Variants in ZNF385D observed in about 807,000 individuals in gnomAD.
The protein encoded by ZNF385D is zinc finger protein 659.
In ZNF385D, 15 loss-of-function variants were observed where a neutral mutation model predicts 35.8. That is an observed-to-expected ratio of 0.42 (90% CI 0.28 to 0.64). ZNF385D has a LOEUF of 0.64. ZNF385D is among the 30% of genes least tolerant of loss of function. ZNF385D has a pLI of 0.23. For synonymous variants in ZNF385D, 212 were observed against 186.8 expected (o/e 1.13, Z -1.10); for missense variants, 474 against 494.6 (o/e 0.96, Z 0.39).
intron 3 of ZNF385D, among the ~76,000 whole-genome samples, chr3:21,805,989 CA>C (rs1269921842): frequency 6.6e-6 from 1 of 152,114 alleles, no homozygotes; most frequent in African/African-American, 2.4e-5. Flanking sequence ...TGTAAAAATA[CA>C]ATGTCTATAA....
At chr3:21,968,195 C>G (rs1399624720) in intron 3 of ZNF385D, among the ~76,000 whole-genome samples, 1 of 152,092 alleles carries the variant, frequency 6.6e-6, no homozygotes, top group African/African-American at 2.4e-5. Context: ...GCAGCCAATG[C>G]CACCACGGAG....
intron 2 of ZNF385D, among the ~76,000 whole-genome samples, chr3:22,220,033 T>C (rs564314803): frequency 3.3e-4 from 50 of 152,126 alleles, no homozygotes; most frequent in Non-Finnish European, 3.5e-4. Flanking sequence ...ATCTGGAAAG[T>C]TATGATTACT....
At chr3:22,370,367 G>A (rs1258717555) in intron 2 of ZNF385D, among the ~76,000 whole-genome samples, 1 of 152,120 alleles carries the variant, frequency 6.6e-6, no homozygotes, top group African/African-American at 2.4e-5. Flanking sequence ...CTCAAAGAAC[G>A]TCATTCAAGA....
chr3:22,166,027 C>G (rs946535034), intron 3 of ZNF385D, among the ~76,000 whole-genome samples: 1 of 152,150 alleles, frequency 6.6e-6, no homozygotes, highest in African/African-American at 2.4e-5. Context: ...AGGATCTCCC[C>G]TAATTCCTAG....
chr3:22,033,392 G>C (rs1033071147), intron 3 of ZNF385D, among the ~76,000 whole-genome samples: 1 of 119,302 alleles, frequency 8.4e-6, no homozygotes, highest in Non-Finnish European at 1.7e-5. Flanking sequence ...ACAGAGCAAG[G>C]CTGGCTCCAA....
intron 2 of ZNF385D, among the ~76,000 whole-genome samples, chr3:21,636,311 T>C (rs1327528658): frequency 2.1e-5 from 3 of 144,926 alleles, no homozygotes; most frequent in Non-Finnish European, 4.5e-5. Flanking sequence ...AGGAGATATA[T>C]AGATATAGAT....
intron 2 of ZNF385D, among the ~76,000 whole-genome samples, chr3:22,208,639 CATT>C (rs1242063277): frequency 1.3e-5 from 2 of 151,582 alleles, no homozygotes; most frequent in African/African-American, 2.4e-5. Context: ...GATTATTACA[CATT>C]ATTTGCCCAT....
intron 3 of ZNF385D, among the ~76,000 whole-genome samples, chr3:22,076,572 A>G (rs2125573801): frequency 6.6e-6 from 1 of 152,008 alleles, no homozygotes; most frequent in South Asian, 2.1e-4. Flanking sequence ...ACAATTACGT[A>G]TCTATTTGTA....
intron 4 of ZNF385D, among the ~76,000 whole-genome samples, chr3:21,449,358 T>C (rs1379298915): frequency 1.3e-5 from 2 of 152,136 alleles, no homozygotes; most frequent in African/African-American, 4.8e-5. Flanking sequence ...TTTCACTCGT[T>C]GGGATCTTGT....
intron 3 of ZNF385D, among the ~76,000 whole-genome samples, chr3:21,872,054 G>C (rs1697722624): frequency 6.6e-6 from 1 of 151,902 alleles, no homozygotes; most frequent in Admixed American, 6.6e-5. Flanking sequence ...AGATTTTCTT[G>C]TTTAATAAAT....
In ZNF385D at chr3:22,021,300, T is replaced by C. The variant is rs116629297; in HGVS notation, c.325+147517A>G. Among the ~76,000 whole-genome samples, 482 of 152,076 alleles carry C rather than the reference T, an allele frequency of 3.2e-3. 4 individuals are homozygous for C. The highest frequency in any genetic ancestry group is 6.8e-3 in the Middle Eastern group (2 of 294). On this transcript the variant is annotated intron_variant, in intron 3 of 5. Transcript: ENST00000494108. ...GTGAAGCATCCAGTGTCATACTAAA[T>C]GTTGATACTTCAAACCTCAAAGCTT...
At chr3:22,335,766 A>G (rs1695133835) in intron 2 of ZNF385D, among the ~76,000 whole-genome samples, 2 of 152,128 alleles carry the variant, frequency 1.3e-5, no homozygotes, top group Non-Finnish European at 2.9e-5. Context: ...TTTATTTTCC[A>G]TATTTCTATT....
chr3:21,661,281 CA>C (rs1183713004), intron 2 of ZNF385D, among the ~76,000 whole-genome samples: 1 of 152,190 alleles, frequency 6.6e-6, no homozygotes, highest in African/African-American at 2.4e-5. Flanking sequence ...CTCCTGTACT[CA>C]AGCTAACATT....
At chr3:21,898,869 T>C (rs73820177) in intron 3 of ZNF385D, among the ~76,000 whole-genome samples, 2,448 of 152,224 alleles carry the variant, frequency 0.016, 69 homozygotes, top group African/African-American at 0.056. Flanking sequence ...CATTTTTCCC[T>C]ACGCATCTCC....
At position 21,803,877 on chromosome 3, in the gene ZNF385D, T is replaced by C. The variant is rs540098261; in HGVS notation, c.326-138849A>G. On this transcript the variant is annotated intron_variant, in intron 3 of 5. Transcript: ENST00000494108. ...CAGGTTCCCATGGGATAATTAATCATTGCTCATTTTGGAACTGCATTCAAT... is the reference window on the plus strand; with the variant it reads ...CAGGTTCCCATGGGATAATTAATCACTGCTCATTTTGGAACTGCATTCAAT... Among the ~76,000 whole-genome samples, 192 of 152,320 alleles carry C rather than the reference T, an allele frequency of 1.3e-3. 1 individual carries two copies. Among genetic ancestry groups the C allele is most frequent in the African/African-American group, 3.9e-3 (162 of 41,592 alleles).
At position 21,615,793 on chromosome 3, in the gene ZNF385D, A is replaced by AGAGTGTGTGTGTGTGTGT. The variant is rs1553624040; in HGVS notation, c.165+49092_165+49093insACACACACACACACACTC. 6.2e-5 allele frequency among the ~76,000 whole-genome samples: 9 copies of AGAGTGTGTGTGTGTGTGT among 145,354 alleles called. No individual in the cohort carries two copies. The South Asian group carries it at 1.6e-3, about 26-fold the overall frequency. On this transcript the variant is annotated intron_variant, in intron 2 of 7. Transcript: ENST00000281523. ...ATGACTGCAAAGAAAATGGAGAAAGAGTGTGTGTGTGTGTGTGTGTGTGTT... is the reference window on the plus strand; with the variant it reads ...ATGACTGCAAAGAAAATGGAGAAAGAGAGTGTGTGTGTGTGTGTGTGTGTGTGTGTGTGTGTGTGTGTT...
chr3:21,782,535 T>C (rs1288190449), intron 3 of ZNF385D, among the ~76,000 whole-genome samples: 2 of 152,090 alleles, frequency 1.3e-5, no homozygotes, highest in East Asian at 1.9e-4. Flanking sequence ...ATTAATGTCA[T>C]TTGTGTCTCC....
chr3:21,938,741 C>A (rs1046553449), intron 3 of ZNF385D, among the ~76,000 whole-genome samples: 25 of 152,172 alleles, frequency 1.6e-4, no homozygotes. Flanking sequence ...CACCTCAACA[C>A]CCCCACCTTC....
At chr3:21,609,856 A>T (rs2064613069) in intron 2 of ZNF385D, among the ~76,000 whole-genome samples, 1 of 152,220 alleles carries the variant, frequency 6.6e-6, no homozygotes, top group Non-Finnish European at 1.5e-5. Context: ...AGGCAGAGAG[A>T]AATAGAGAGG....
Sources: gnomAD v4.1 joint callset for allele counts (sites outside exome capture counted in the v4.1 genomes callset) on GRCh38, gnomAD v4.1.1 for gene constraint, MANE v1.5 for transcripts, NCBI Gene and HGNC (gene_info 2026-07-23, HGNC 2026-07-21) for gene names.